Variants in TMEM272 observed in about 807,000 individuals in gnomAD.
The protein encoded by TMEM272 is long intergenic non-protein coding RNA 282.
Under a neutral mutation model 3.7 loss-of-function variants are expected in TMEM272, and 8 were observed. That is an observed-to-expected ratio of 2.17 (90% CI 1.27 to 3.91). TMEM272 has a LOEUF of 3.91. Ranked by LOEUF, TMEM272 falls within the 30% of genes most tolerant of loss-of-function variation. TMEM272 has a pLI of 0.00. For missense variants in TMEM272, 166 were observed against 91.5 expected, an observed-to-expected ratio of 1.81 and a Z score of -3.32; for synonymous variants, 63 against 39.8, an observed-to-expected ratio of 1.58 and a Z score of -2.20.
chr13:51,864,247 T>C, the TMEM272 span, among the ~76,000 whole-genome samples: 1 of 152,104 alleles, frequency 6.6e-6, no homozygotes, highest in South Asian at 2.1e-4. Flanking sequence ...ACAACACACA[T>C]GAAACCGCCA....
the TMEM272 span, among the ~76,000 whole-genome samples, chr13:51,875,606 A>T: frequency 2.0e-5 from 3 of 152,142 alleles, no homozygotes; most frequent in Non-Finnish European, 4.4e-5. Flanking sequence ...GACCCACTGG[A>T]GGGTCAACCA....
chr13:51,866,042 G>A, the TMEM272 span: 3 of 1,599,686 alleles, frequency 1.9e-6, no homozygotes, highest in Non-Finnish European at 1.7e-6. Context: ...CGCCAACAGA[G>A]GGCAGCGCTT....
the TMEM272 span, among the ~76,000 whole-genome samples, chr13:51,854,368 C>T: frequency 2.6e-5 from 4 of 152,204 alleles, no homozygotes; most frequent in Admixed American, 6.5e-5. Context: ...TATCAGTGCA[C>T]GATCACTTTC....
the TMEM272 span, among the ~76,000 whole-genome samples, chr13:51,902,428 C>T: frequency 6.6e-6 from 1 of 152,232 alleles, no homozygotes; most frequent in Non-Finnish European, 1.5e-5. Context: ...TTCAGCCTCT[C>T]AATGTCTAAA....
chr13:51,915,728 C>T, the TMEM272 span, among the ~76,000 whole-genome samples: 1 of 152,180 alleles, frequency 6.6e-6, no homozygotes, highest in Non-Finnish European at 1.5e-5. Context: ...GAATAGATCT[C>T]ACTCATTCAA....
At chr13:51,916,225 C>G in the TMEM272 span, among the ~76,000 whole-genome samples, 1 of 152,202 alleles carries the variant, frequency 6.6e-6, no homozygotes, top group South Asian at 2.1e-4. Context: ...CAAGAGAACC[C>G]ATGGCTGGGC....
rs1367306577 is a variant in TMEM272 at position 51,813,559 on chromosome 13, T to G, written c.*3192A>C. 3 of 298,814 alleles carry G rather than the reference T, an allele frequency of 1.0e-5. No homozygotes were observed. Among genetic ancestry groups the G allele is most frequent in the African/African-American group, 2.2e-5 (1 of 46,186 alleles). 18.5% of individuals were successfully genotyped at this position (298,814 alleles called of 1,614,324 possible). ...CTGACATAAGCCAGTCCAGGCTGTA[T>G]GTGTGGCCCGAGTGCACACATGCGG... On this transcript the variant is annotated 3_prime_UTR_variant, in exon 5 of 5. Transcript: ENST00000629372.
chr13:51,872,107 A>G, the TMEM272 span, among the ~76,000 whole-genome samples: 1 of 152,214 alleles, frequency 6.6e-6, no homozygotes, highest in Non-Finnish European at 1.5e-5. Context: ...CTCTAATATG[A>G]TATAGCCTAA....
At chr13:51,932,570 C>G in the TMEM272 span, 1 of 152,208 alleles carries the variant, frequency 6.6e-6, no homozygotes, top group South Asian at 2.1e-4. Context: ...TCCTCCTCTG[C>G]CCCCTAAAAA....
chr13:51,908,850 G>A, the TMEM272 span: 12 of 1,436,230 alleles, frequency 8.4e-6, no homozygotes, highest in Non-Finnish European at 1.1e-5. Context: ...AGGTGACAGG[G>A]GCCCAGTGTC....
At chr13:51,909,321 T>C in the TMEM272 span, 1 of 920,726 alleles carries the variant, frequency 1.1e-6, no homozygotes. Context: ...TTCTTCAAGA[T>C]CTTTGGCTCG....
the TMEM272 span, among the ~76,000 whole-genome samples, chr13:51,859,220 A>C: frequency 2.6e-5 from 4 of 151,998 alleles, no homozygotes; most frequent in East Asian, 7.7e-4. Context: ...TAGCTGCCTG[A>C]TTTGGCATTA....
the TMEM272 span, among the ~76,000 whole-genome samples, chr13:51,860,247 T>TTATA: frequency 6.6e-6 from 1 of 152,168 alleles, no homozygotes; most frequent in Non-Finnish European, 1.5e-5. Flanking sequence ...TTATAAACTG[T>TTATA]CTCTGAGGAA....
chr13:51,878,502 G>C, the TMEM272 span, among the ~76,000 whole-genome samples: 2 of 152,086 alleles, frequency 1.3e-5, no homozygotes, highest in African/African-American at 2.4e-5. Flanking sequence ...AACAGCATGG[G>C]GGGGAATGCC....
At chr13:51,914,172 T>C in the TMEM272 span, among the ~76,000 whole-genome samples, 1 of 152,228 alleles carries the variant, frequency 6.6e-6, no homozygotes, top group Non-Finnish European at 1.5e-5. Flanking sequence ...CAAGGTCAGT[T>C]CAGCTCAGGA....
At chr13:51,828,644 T>C (rs1434131456) in intron 2 of TMEM272, among the ~76,000 whole-genome samples, 1 of 152,250 alleles carries the variant, frequency 6.6e-6, no homozygotes, top group Non-Finnish European at 1.5e-5. Context: ...TTTGACGCTC[T>C]TCTGTTGCCA....
chr13:51,854,868 A>C, the TMEM272 span, among the ~76,000 whole-genome samples: 1 of 152,138 alleles, frequency 6.6e-6, no homozygotes, highest in Non-Finnish European at 1.5e-5. Context: ...CAACATTCTA[A>C]AGTTCTATTA....
intron 4 of TMEM272, among the ~76,000 whole-genome samples, chr13:51,821,173 C>T (rs78206411): frequency 0.013 from 1,933 of 152,316 alleles, 18 homozygotes; most frequent in African/African-American, 0.026. Flanking sequence ...ATACTTGGCA[C>T]TCTTGACTCA....
chr13:51,888,280 A>T, the TMEM272 span, among the ~76,000 whole-genome samples: 4 of 152,146 alleles, frequency 2.6e-5, no homozygotes, highest in Non-Finnish European at 5.9e-5. Context: ...TCCTGACCTC[A>T]GGTGATCCGT....
Sources: allele counts gnomAD v4.1 joint callset (sites outside exome capture counted in the v4.1 genomes callset), GRCh38; gene constraint gnomAD v4.1.1; transcripts MANE v1.5; gene names NCBI Gene and HGNC (gene_info 2026-07-23, HGNC 2026-07-21).